Variants in FRMD6 observed in about 807,000 individuals in gnomAD.
The protein encoded by FRMD6 is FERM domain containing 6.
In FRMD6, 37 loss-of-function variants were observed where a neutral mutation model predicts 73.2. That is an observed-to-expected ratio of 0.51 (90% confidence interval 0.39 to 0.66). FRMD6 has a LOEUF of 0.66. Among genes scored for constraint, FRMD6 ranks in the 30% least tolerant of loss-of-function variants. The pLI, the probability that FRMD6 is intolerant of heterozygous loss-of-function variation, is 0.00. For missense variants in FRMD6, 714 were observed against 780.5 expected (o/e 0.91, Z 1.02); for synonymous variants, 273 against 282.2 (o/e 0.97, Z 0.33).
intron 1 of FRMD6, among the ~76,000 whole-genome samples, chr14:51,679,300 G>C (rs4632056): frequency 0.041 from 12 of 292 alleles, no homozygotes; most frequent in African/African-American, 0.094. Context: ...ATATACACAC[G>C]TGTATAGATG....
intron 2 of FRMD6, among the ~76,000 whole-genome samples, chr14:51,589,090 A>G (rs1287968871): frequency 6.6e-6 from 1 of 152,160 alleles, no homozygotes; most frequent in Non-Finnish European, 1.5e-5. Flanking sequence ...AATGACAAAT[A>G]TTTACTTTCC....
At chr14:51,586,392 A>G (rs954122054) in intron 2 of FRMD6, among the ~76,000 whole-genome samples, 1 of 152,212 alleles carries the variant, frequency 6.6e-6, no homozygotes, top group East Asian at 1.9e-4. Flanking sequence ...CTTTTGAAAA[A>G]TGCCTGTTGA....
the FRMD6 span, among the ~76,000 whole-genome samples, chr14:51,480,500 A>AAAACATTGTTTT: frequency 6.6e-6 from 1 of 152,196 alleles, no homozygotes; most frequent in Admixed American, 6.5e-5. Flanking sequence ...ACATTGTTTT[A>AAAACATTGTTTT]AAACATTGGT....
intron 12 of FRMD6, among the ~76,000 whole-genome samples, chr14:51,722,323 T>C (rs762655610): frequency 2.6e-5 from 4 of 152,148 alleles, no homozygotes; most frequent in African/African-American, 4.8e-5. Flanking sequence ...GGACAAAAGG[T>C]AGTTGAACAG....
chr14:51,620,811 A>G (rs570565299), intron 2 of FRMD6, among the ~76,000 whole-genome samples: 1 of 152,314 alleles, frequency 6.6e-6, no homozygotes, highest in East Asian at 1.9e-4. Context: ...GCAAGCTGCT[A>G]TGGGCCAAGG....
chr14:51,427,580 A>G, the FRMD6 span, among the ~76,000 whole-genome samples: 1 of 152,200 alleles, frequency 6.6e-6, no homozygotes, highest in African/African-American at 2.4e-5. Context: ...TAGAGAAGAA[A>G]ACAAATTTGT....
chr14:51,630,002 G>A lies in FRMD6; in HGVS notation c.-147+59592G>A, dbSNP rs56363866. Among the ~76,000 whole-genome samples, 1,008 of 152,124 alleles carry A rather than the reference G, an allele frequency of 6.6e-3. 13 individuals carry two copies. Among genetic ancestry groups the A allele is most frequent in the African/African-American group, 0.023 (954 of 41,478 alleles). On this transcript the variant is annotated intron_variant, in intron 2 of 14. Transcript: ENST00000356218. ...TTGCTATGTTGCTTAGGCTGGTCTC[G>A]AACTCCTGAGCTCAAACTTCTCCTC... is the stretch of plus-strand genomic sequence containing the variant.
intron 1 of FRMD6, among the ~76,000 whole-genome samples, chr14:51,509,443 C>T (rs530552752): frequency 1.1e-3 from 161 of 151,930 alleles, no homozygotes; most frequent in African/African-American, 2.9e-3. Flanking sequence ...AGGAGAATGG[C>T]GTGAACCCAG....
the FRMD6 span, among the ~76,000 whole-genome samples, chr14:51,414,620 T>C: frequency 6.6e-6 from 1 of 152,228 alleles, no homozygotes; most frequent in South Asian, 2.1e-4. Flanking sequence ...TGGCTTAGGA[T>C]TGTCTTGGCA....
At chr14:51,651,240 G>A (rs962218035), upstream of FRMD6, 1 of 152,284 alleles carries the variant, frequency 6.6e-6, no homozygotes, top group African/African-American at 2.4e-5. Flanking sequence ...AGAATTAGAG[G>A]GGGAGGCTGG....
At chr14:51,666,432 G>A (rs1893600128) in intron 1 of FRMD6, among the ~76,000 whole-genome samples, 2 of 152,216 alleles carry the variant, frequency 1.3e-5, no homozygotes, top group South Asian at 4.1e-4. Context: ...CTTTTTAGCA[G>A]GAAATTCAGA....
rs541261969 is a variant in FRMD6 at position 51,574,659 on chromosome 14, C to G, written c.-147+4249C>G. 9.8e-4 allele frequency among the ~76,000 whole-genome samples: 149 copies of G among 152,008 alleles called. 5 individuals are homozygous for G. In the South Asian group the frequency reaches 0.03, roughly 31 times the overall value. ...GGTATAGAGAGTAGAATGATGGTTA[C>G]CAGAGGTTGGGAAGGGTAGTGGGTG... On this transcript the variant is annotated intron_variant, in intron 2 of 14. Transcript: ENST00000356218.
the FRMD6 span, among the ~76,000 whole-genome samples, chr14:51,478,555 C>T: frequency 2.0e-5 from 3 of 152,086 alleles, no homozygotes; most frequent in African/African-American, 4.8e-5. Context: ...TTTTGTTAAG[C>T]ATTGATCTGA....
At chr14:51,402,769 G>T in the FRMD6 span, among the ~76,000 whole-genome samples, 11 of 151,794 alleles carry the variant, frequency 7.2e-5, no homozygotes, top group Admixed American at 7.2e-4. Context: ...CTCTTGAGTA[G>T]CTGGGACTAC....
chr14:51,644,083 T>A (rs1322807344), intron 2 of FRMD6, among the ~76,000 whole-genome samples: 1 of 151,290 alleles, frequency 6.6e-6, no homozygotes, highest in Non-Finnish European at 1.5e-5. Flanking sequence ...TCCACTGATA[T>A]CAATGCAGGG....
At chr14:51,599,380 A>G (rs1022658134) in intron 2 of FRMD6, among the ~76,000 whole-genome samples, 1 of 152,188 alleles carries the variant, frequency 6.6e-6, no homozygotes, top group Non-Finnish European at 1.5e-5. Flanking sequence ...GCCACAAAGT[A>G]TAAGAATTCC....
intron 2 of FRMD6, among the ~76,000 whole-genome samples, chr14:51,611,402 A>G (rs1048831769): frequency 2.6e-5 from 4 of 152,142 alleles, no homozygotes; most frequent in African/African-American, 9.7e-5. Flanking sequence ...TCTTGAACAC[A>G]TTGAAATAAC....
the FRMD6 span, among the ~76,000 whole-genome samples, chr14:51,473,404 C>T: frequency 6.6e-6 from 1 of 152,346 alleles, no homozygotes; most frequent in East Asian, 1.9e-4. Context: ...CCTCAGCTGA[C>T]TCTGACCCTG....
intron 1 of FRMD6, among the ~76,000 whole-genome samples, chr14:51,524,798 T>C (rs1281692636): frequency 2.6e-5 from 4 of 152,114 alleles, no homozygotes; most frequent in Non-Finnish European, 5.9e-5. Context: ...CCACTTGTGA[T>C]TGGCCAAAAC....
Sources: gnomAD v4.1 joint callset for allele counts (sites outside exome capture counted in the v4.1 genomes callset) on GRCh38, gnomAD v4.1.1 for gene constraint, MANE v1.5 for transcripts, NCBI Gene and HGNC (gene_info 2026-07-23, HGNC 2026-07-21) for gene names.